PAK5: variants seen among roughly 807,000 people sequenced by gnomAD.
The protein encoded by PAK5 is p21 (RAC1) activated kinase 5.
PAK5 carries 16 observed loss-of-function variants against 65.9 expected under a neutral mutation model. The ratio of observed to expected loss-of-function variants is 0.24; its 90% confidence interval spans 0.16 to 0.37. The LOEUF (loss-of-function observed/expected upper bound fraction) is 0.37, where lower values mean the gene tolerates loss of function less well. PAK5 is among the 10% of genes least tolerant of loss of function. The pLI is 1.00. For missense variants in PAK5, 785 were observed against 903.9 expected (o/e 0.87, Z 1.69); for synonymous variants, 371 against 354.9 (o/e 1.05, Z -0.51).
rs542445224 is a variant in PAK5, at chr20:9,705,745, T to C, written c.-12+5541A>G. Reference sequence around the variant, plus strand: ...CCAGGAGAGATATAAAAAATGATCATACTACCATTTTTCATAATAGCAGAT... The same window carrying C: ...CCAGGAGAGATATAAAAAATGATCACACTACCATTTTTCATAATAGCAGAT... On this transcript the variant is annotated intron_variant, in intron 2 of 9. Transcript: ENST00000353224. 1.1e-4 allele frequency among the ~76,000 whole-genome samples: 16 copies of C among 152,218 alleles called. No homozygotes were observed. The South Asian group carries it at 3.3e-3, about 32-fold the overall frequency.
chr20:9,593,315 A>G (rs889284109), intron 3 of PAK5, among the ~76,000 whole-genome samples: 1 of 152,024 alleles, frequency 6.6e-6, no homozygotes, highest in African/African-American at 2.4e-5. Flanking sequence ...AAAGAAAAAA[A>G]AAGAGTTGGT....
intron 2 of PAK5, among the ~76,000 whole-genome samples, chr20:9,693,306 T>C (rs1247802879): frequency 6.6e-6 from 1 of 152,124 alleles, no homozygotes; most frequent in Non-Finnish European, 1.5e-5. Flanking sequence ...CAAGGAGAAA[T>C]GGCTTTGGCT....
intron 1 of PAK5, among the ~76,000 whole-genome samples, chr20:9,819,312 C>T (rs891149262): frequency 2.0e-5 from 3 of 152,124 alleles, no homozygotes; most frequent in Non-Finnish European, 2.9e-5. Context: ...AGCAGCAGTA[C>T]AATGGCAAAA....
chr20:9,667,208 C>T (rs1019554381), intron 2 of PAK5, among the ~76,000 whole-genome samples: 1 of 152,056 alleles, frequency 6.6e-6, no homozygotes, highest in Non-Finnish European at 1.5e-5. Flanking sequence ...ACCTGGGAGG[C>T]AGAGGTTGCA....
chr20:9,720,707 T>A (rs879303879), intron 1 of PAK5, among the ~76,000 whole-genome samples: 1 of 152,134 alleles, frequency 6.6e-6, no homozygotes, highest in African/African-American at 2.4e-5. Flanking sequence ...AACAGCCAAA[T>A]GACCATCAAG....
At position 9,566,373 on chromosome 20, in the gene PAK5, A is replaced by G. The variant is rs2123002740; in HGVS notation, c.1002T>C (p.Asp334=). 6.2e-7 allele frequency: 1 copy of G among 1,612,910 alleles called. No homozygotes were observed. Among genetic ancestry groups the G allele is most frequent in the South Asian group, 1.1e-5 (1 of 91,058 alleles). Residue 334 remains aspartate, a synonymous_variant, in exon 5 of 10, where the codon GAT becomes GAC. Transcript: ENST00000353224. ...GAGGGCTGAGGACCATCTGTGCTCGATCGTAATCCACCTGGGAAGACAGAC... is the reference window on the plus strand; with the variant it reads ...GAGGGCTGAGGACCATCTGTGCTCGGTCGTAATCCACCTGGGAAGACAGAC... ...PTMCIPKVDY[D]RAQMVLSPPL...
intron 2 of PAK5, among the ~76,000 whole-genome samples, chr20:9,703,597 G>T (rs2206470): frequency 0.7 from 106,538 of 151,938 alleles, 37,548 homozygotes; most frequent in East Asian, 0.84. Flanking sequence ...GTGGTTCTCC[G>T]GTCTAGCTCA....
chr20:9,687,755 C>T (rs1392744603), intron 2 of PAK5, among the ~76,000 whole-genome samples: 2 of 152,136 alleles, frequency 1.3e-5, no homozygotes, highest in Non-Finnish European at 2.9e-5. Flanking sequence ...GCACTGAGGA[C>T]ACACATAGAT....
chr20:9,828,489 C>G (rs1235103504), intron 1 of PAK5, among the ~76,000 whole-genome samples: 1 of 152,052 alleles, frequency 6.6e-6, no homozygotes, highest in East Asian at 1.9e-4. Flanking sequence ...AGCAACTGTT[C>G]CTACTTTAGA....
chr20:9,747,323 TA>T (rs982277541), intron 1 of PAK5, among the ~76,000 whole-genome samples: 2 of 152,102 alleles, frequency 1.3e-5, no homozygotes, highest in African/African-American at 2.4e-5. Flanking sequence ...GAATCCTCCC[TA>T]ACTCATTTTA....
chr20:9,597,322 G>C (rs952696651), intron 3 of PAK5, among the ~76,000 whole-genome samples: 3 of 152,202 alleles, frequency 2.0e-5, no homozygotes, highest in African/African-American at 7.2e-5. Context: ...TGGCTTGATT[G>C]AAAAACAATC....
At chr20:9,810,618 A>G (rs1181591417) in intron 1 of PAK5, among the ~76,000 whole-genome samples, 1 of 152,204 alleles carries the variant, frequency 6.6e-6, no homozygotes, top group Admixed American at 6.5e-5. Context: ...ACAACAGTTT[A>G]TATTTCTTAA....
chr20:9,554,260 T>C (rs1417496695), intron 7 of PAK5, among the ~76,000 whole-genome samples: 1 of 152,198 alleles, frequency 6.6e-6, no homozygotes, highest in Non-Finnish European at 1.5e-5. Context: ...CTTGTGACCA[T>C]GGTGAAAGTA....
At chr20:9,817,017 C>T (rs2049365023) in intron 1 of PAK5, among the ~76,000 whole-genome samples, 1 of 152,052 alleles carries the variant, frequency 6.6e-6, no homozygotes, top group South Asian at 2.1e-4. Flanking sequence ...CATGGTGGTG[C>T]ACACCTATAG....
At chr20:9,554,336 G>A (rs1054846693) in intron 7 of PAK5, among the ~76,000 whole-genome samples, 4 of 152,178 alleles carry the variant, frequency 2.6e-5, no homozygotes, top group Non-Finnish European at 5.9e-5. Flanking sequence ...TTCTTGGGAC[G>A]CACTCTTGGG....
intron 2 of PAK5, among the ~76,000 whole-genome samples, chr20:9,665,202 G>A (rs540723397): frequency 6.8e-6 from 1 of 147,148 alleles, no homozygotes; most frequent in Admixed American, 7.0e-5. Flanking sequence ...TTATAGGCAT[G>A]AGCCACTGTG....
In PAK5 at chr20:9,778,706, C is replaced by A. The variant is rs941807154; in HGVS notation, c.-162+60056G>T. Among the ~76,000 whole-genome samples the A allele has an allele frequency of 2.6e-5, 4 of 152,196 alleles. No individual in the cohort carries two copies. In the East Asian group the frequency reaches 7.7e-4, roughly 29 times the overall value. ...TAAACATGAGTTGATTCCTGGACTA[C>A]CAATTCTTTCCAGTGATATGTTGGT... On this transcript the variant is annotated intron_variant, in intron 1 of 9. Transcript: ENST00000353224.
intron 1 of PAK5, among the ~76,000 whole-genome samples, chr20:9,835,506 A>G (rs1979076052): frequency 6.6e-6 from 1 of 152,144 alleles, no homozygotes; most frequent in Non-Finnish European, 1.5e-5. Context: ...AGTCTCTGGA[A>G]TCTGTCCCAG....
chr20:9,798,954 T>C (rs1018423248), intron 1 of PAK5, among the ~76,000 whole-genome samples: 4 of 152,172 alleles, frequency 2.6e-5, no homozygotes, highest in Admixed American at 6.5e-5. Context: ...GTGATTCTGA[T>C]GGATCTTAAA....
Sources: allele counts gnomAD v4.1 joint callset (sites outside exome capture counted in the v4.1 genomes callset), GRCh38; gene constraint gnomAD v4.1.1; transcripts MANE v1.5; gene names NCBI Gene and HGNC (gene_info 2026-07-23, HGNC 2026-07-21).